Variants in RAB40B observed in about 807,000 individuals in gnomAD.
RAB40B encodes RAB40B, member RAS oncogene family, also known as ras-related protein Rab-40B.
RAB40B carries 21 observed loss-of-function variants against 24.0 expected under a neutral mutation model. The observed-to-expected ratio is 0.88, with a 90% CI of 0.62 to 1.26. The LOEUF is 1.26. Ranked by LOEUF, RAB40B falls within the 50% of genes most tolerant of loss-of-function variation. RAB40B has a pLI of 0.00. For missense variants in RAB40B, 348 were observed against 390.5 expected (o/e 0.89, Z 0.92); for synonymous variants, 167 against 169.8 (o/e 0.98, Z 0.13).
rs1304224521 is a variant in RAB40B at position 82,698,519 on chromosome 17, G to C, written c.78C>G (p.Gly26=). The C allele has an allele frequency of 6.5e-7, 1 of 1,529,496 alleles. No homozygotes were observed. The highest frequency in any genetic ancestry group is 1.9e-5 in the Admixed American group (1 of 53,078). 94.7% of individuals were successfully genotyped at this position (1,529,496 alleles called of 1,614,324 possible). ...KFLLVGDSDV[G]KGEILASLQD... ...GCAGGCTCGCCAGGATCTCGCCCTTGCCCACGTCGCTGTCGCCCACCAGCA... is the reference window on the plus strand; with the variant it reads ...GCAGGCTCGCCAGGATCTCGCCCTTCCCCACGTCGCTGTCGCCCACCAGCA... Residue 26 remains glycine (G), a synonymous_variant, in exon 1 of 6, where the codon GGC becomes GGG. Transcript: ENST00000571995.
Position 82,664,516 on chromosome 17 carries a change from CCG to C in RAB40B, c.181_182del (p.Arg61AlafsTer34). 1 of 1,613,516 alleles carries C rather than the reference CCG, an allele frequency of 6.2e-7. No homozygotes were observed. The highest frequency in any genetic ancestry group is 8.5e-7 in the Non-Finnish European group (1 of 1,179,644). The stretch of plus-strand genomic sequence containing the variant: ...CTCACCAGAGCTGCAGCTTCACCCG[CCG>C]CCCGTCCAGCAGGATGGTGGTCGTC... ...YKTTTILLDG[R>X]RVKLQLWDTS... On this transcript the variant is annotated frameshift_variant, in exon 2 of 6. Transcript: ENST00000571995. LOFTEE classifies it high-confidence loss of function.
intron 1 of RAB40B, among the ~76,000 whole-genome samples, 197 bp downstream of exon 1, chr17:82,698,258 G>T (rs1431953269): frequency 6.6e-6 from 1 of 151,714 alleles, no homozygotes; most frequent in East Asian, 1.9e-4. Flanking sequence ...AGGCCCGCCC[G>T]CGAACCGCGC....
In RAB40B at chr17:82,658,432, C is replaced by T. The variant is rs2046114600; in HGVS notation, c.565+59G>A. 3 of 1,576,078 alleles carry T rather than the reference C, an allele frequency of 1.9e-6. No individual in the cohort carries two copies. In the Admixed American group the frequency reaches 5.1e-5, roughly 27 times the overall value. On this transcript the variant is annotated intron_variant, in intron 5 of 5. Coordinates refer to ENST00000571995, the MANE Select transcript of RAB40B (RefSeq NM_006822.3). ...AGGCAGACACTTATCCAGGGGGCCG[C>T]TGACCCACCTCGGCATCTGGAGGGC...
chr17:82,685,371 A>T (rs1411071579), intron 1 of RAB40B, among the ~76,000 whole-genome samples: 1 of 148,718 alleles, frequency 6.7e-6, no homozygotes, highest in Non-Finnish European at 1.5e-5. Context: ...CTGAACGCAG[A>T]TTCCTGGGGC....
intron 1 of RAB40B, among the ~76,000 whole-genome samples, chr17:82,680,418 C>T (rs1172283372): frequency 1.3e-5 from 2 of 152,208 alleles, no homozygotes; most frequent in Admixed American, 6.5e-5. Flanking sequence ...AGCTTCTCAA[C>T]TCAAAGTCCT....
intron 1 of RAB40B, among the ~76,000 whole-genome samples, chr17:82,691,975 A>C (rs1257523646): frequency 1.3e-5 from 2 of 152,158 alleles, no homozygotes; most frequent in Non-Finnish European, 2.9e-5. Context: ...AGAACAGAAG[A>C]CACTTCCCTG....
chr17:82,674,236 A>G (rs1350128503), intron 1 of RAB40B, among the ~76,000 whole-genome samples: 7 of 152,044 alleles, frequency 4.6e-5, no homozygotes, highest in Admixed American at 2.0e-4. Flanking sequence ...GCCACTCAGG[A>G]GGCTGAGGCA....
rs780993033 is a variant in RAB40B, at chr17:82,657,490, T to C, written c.*373A>G. 3 of 360,344 alleles carry C rather than the reference T, an allele frequency of 8.3e-6. No individual in the cohort carries two copies. The highest frequency in any genetic ancestry group is 2.1e-5 in the African/African-American group (1 of 47,138). The allele number at this position is 360,344 out of a possible 1,614,324, so 22.3% of individuals were successfully genotyped here. On this transcript the variant is annotated 3_prime_UTR_variant, in exon 6 of 6. Coordinates refer to ENST00000571995, the MANE Select transcript of RAB40B (RefSeq NM_006822.3). ...GTGACTCTAAATTATCCCGCTGCCA[T>C]TGCTTCTCAAATTCCATTGAATTTA...
chr17:82,679,843 A>G (rs2143524724), intron 1 of RAB40B, among the ~76,000 whole-genome samples: 1 of 152,378 alleles, frequency 6.6e-6, no homozygotes, highest in Admixed American at 6.5e-5. Context: ...AACACGGCCC[A>G]GAAGCAGTGT....
intron 1 of RAB40B, chr17:82,696,589 G>A (rs1307425151): frequency 6.2e-6 from 1 of 162,282 alleles, no homozygotes; most frequent in Middle Eastern, 2.9e-3. Flanking sequence ...CTCCAGCCCT[G>A]TCCTCCAGGC....
chr17:82,657,944 G>C lies in RAB40B; in HGVS notation c.756C>G (p.Ser252Arg). ...GGACGAGCTTCACTTTGCGGAGGCT[G>C]CTCCTTTTGTGGGTGGAGCTGGTGG... ...SLTTSSTHKR[S>R]SLRKVKLVRP... Residue 252 changes from serine (S) to arginine (R), a missense_variant, in exon 6 of 6, where the codon AGC becomes AGG. Physicochemically the swap from Ser to Arg is moderately radical, Grantham distance 110 (BLOSUM62 -1). Around this residue, in one of 3 missense-constraint regions of RAB40B, gnomAD observed 121 missense variants for 124.0 expected, o/e 0.98. Transcript: ENST00000571995. The C allele has an allele frequency of 2.5e-6, 4 of 1,614,132 alleles. No homozygotes were observed. The highest frequency in any genetic ancestry group is 3.4e-6 in the Non-Finnish European group (4 of 1,180,030).
rs1164826460 is a variant in RAB40B at position 82,664,524 on chromosome 17, C to T, written c.175G>A (p.Asp59Asn). 5 of 1,613,624 alleles carry T rather than the reference C, an allele frequency of 3.1e-6. No individual in the cohort carries two copies. The Admixed American group carries it at 6.7e-5, about 22-fold the overall frequency. ...IDYKTTTILL[D>N]GRRVKLQLWD... ...AGCTGCAGCTTCACCCGCCGCCCGT[C>T]CAGCAGGATGGTGGTCGTCTTGTAG... Residue 59 changes from aspartate (D) to asparagine (N), a missense_variant, in exon 2 of 6, where the codon GAC (aspartate) becomes AAC (asparagine). Physicochemically the swap from Asp to Asn is conservative, Grantham distance 23. This residue lies in a region of RAB40B where 101 missense variants were observed against 85.5 expected (regional missense o/e 1.18). Transcript: ENST00000571995.
intron 1 of RAB40B, 28 bp downstream of exon 1, chr17:82,698,427 C>A: frequency 7.6e-7 from 1 of 1,324,074 alleles, no homozygotes; most frequent in Non-Finnish European, 9.7e-7. Flanking sequence ...CGCGCCCGCA[C>A]CCCGGCACGC....
intron 1 of RAB40B, among the ~76,000 whole-genome samples, chr17:82,681,677 AT>A (rs1468878834): frequency 3.3e-5 from 5 of 152,252 alleles, no homozygotes; most frequent in African/African-American, 4.8e-5. Flanking sequence ...TCAATAAAAA[AT>A]ATACCAAATT....
intron 1 of RAB40B, among the ~76,000 whole-genome samples, chr17:82,678,617 C>A (rs1294118282): frequency 6.6e-6 from 1 of 152,164 alleles, no homozygotes; most frequent in Non-Finnish European, 1.5e-5. Context: ...AATGTACAGA[C>A]GTATTCATCT....
chr17:82,698,414 CCCCGCGCCCGCACCCCGGCACGCCCTCCG>C lies in RAB40B; in HGVS notation c.142+12_142+40del. On this transcript the variant is annotated intron_variant, in intron 1 of 5. Coordinates refer to ENST00000571995, the MANE Select transcript of RAB40B (RefSeq NM_006822.3). ...TCCCCAGCCCCGCGCCCCTCCCCGG[CCCCGCGCCCGCACCCCGGCACGCCCTCCG>C]CCCGCGCTCACCCGCCGGGTGGCCG... 8.2e-7 allele frequency: 1 copy of C among 1,219,140 alleles called. No homozygotes were observed. Among genetic ancestry groups the C allele is most frequent in the South Asian group, 2.5e-5 (1 of 39,722 alleles). The allele number at this position is 1,219,140 out of a possible 1,614,324, so 75.5% of individuals were successfully genotyped here.
Position 82,658,007 on chromosome 17 carries a change from C to G in RAB40B, c.693G>C (p.Leu231=), listed in dbSNP as rs756895536. The change falls in exon 6 of 6, where the codon CTG becomes CTC. Residue 231 remains leucine (L), a synonymous_variant. Coordinates refer to ENST00000571995, the MANE Select transcript of RAB40B (RefSeq NM_006822.3). ...AACCGCCGTGCATCATCCTGGCATT[C>G]AGGCCGTTGGCCATCGAGAAGGACT... ...HLKSFSMANG[L]NARMMHGGSY... is the part of the protein sequence containing the mutation. 1.9e-6 allele frequency: 3 copies of G among 1,614,216 alleles called. 1 individual carries two copies. The South Asian group carries it at 3.3e-5, about 18-fold the overall frequency.
chr17:82,672,918 A>G (rs916417189), intron 1 of RAB40B, among the ~76,000 whole-genome samples: 1 of 152,160 alleles, frequency 6.6e-6, no homozygotes, highest in Non-Finnish European at 1.5e-5. Context: ...AAATTGCCTC[A>G]TTGTACCAGG....
rs113218404 is a variant in RAB40B, at chr17:82,662,485, A to G, written c.204-1438T>C. The G allele has an allele frequency of 4.7e-3, 4,654 of 985,332 alleles. 12 individuals are homozygous for G. Among genetic ancestry groups the G allele is most frequent in the Non-Finnish European group, 5.1e-3 (4,249 of 829,808 alleles). 61.0% of individuals were successfully genotyped at this position (985,332 alleles called of 1,614,324 possible). On this transcript the variant is annotated intron_variant, in intron 2 of 5. Coordinates refer to ENST00000571995, the MANE Select transcript of RAB40B (RefSeq NM_006822.3). ...TGGGCCGCTGCCACCCTGAAGGAGCAGAGCAGAGCCCAACCCCAGCCCCAG... is the reference window on the plus strand; with the variant it reads ...TGGGCCGCTGCCACCCTGAAGGAGCGGAGCAGAGCCCAACCCCAGCCCCAG...
Sources: allele counts gnomAD v4.1 joint callset (sites outside exome capture counted in the v4.1 genomes callset), GRCh38; gene constraint gnomAD v4.1.1; regional missense constraint gnomAD v4.1.1; transcripts MANE v1.5; gene names NCBI Gene and HGNC (gene_info 2026-07-23, HGNC 2026-07-21).